The following DOCK9 variants were observed in gnomAD, a reference collection of about 807,000 sequenced individuals.
The protein encoded by DOCK9 is dedicator of cytokinesis 9, also known as dedicator of cytokinesis protein 9.
A neutral mutation model predicts 263.3 loss-of-function variants in DOCK9; 89 were observed. The ratio of observed to expected loss-of-function variants is 0.34; its 90% CI spans 0.28 to 0.40. The LOEUF (loss-of-function observed/expected upper bound fraction) is 0.40. DOCK9 is among the 10% of genes least tolerant of loss of function. The pLI, the probability that DOCK9 is intolerant of heterozygous loss-of-function variation, is 1.00. For missense variants in DOCK9, 2,140 were observed against 2,603.4 expected (o/e 0.82, Z 3.87); for synonymous variants, 976 against 973.1 (o/e 1.00, Z -0.06).
intron 1 of DOCK9, among the ~76,000 whole-genome samples, chr13:99,085,869 G>C (rs866568996): frequency 6.6e-6 from 1 of 151,918 alleles, no homozygotes; most frequent in African/African-American, 2.4e-5. Flanking sequence ...AGGGATGCGG[G>C]GGAGGGGGGA....
chr13:98,911,793 A>ATT (rs2050089513), intron 9 of DOCK9, among the ~76,000 whole-genome samples: 1 of 151,578 alleles, frequency 6.6e-6, no homozygotes, highest in Non-Finnish European at 1.5e-5. Context: ...TAATGACAGT[A>ATT]TTTTATATAA....
intron 15 of DOCK9, among the ~76,000 whole-genome samples, chr13:98,894,920 G>A (rs960953312): frequency 8.1e-6 from 1 of 123,192 alleles, no homozygotes; most frequent in African/African-American, 3.0e-5. Flanking sequence ...ACCAGCCTGG[G>A]CAAGATGGTG....
At chr13:98,976,062 A>G (rs1211832751) in intron 1 of DOCK9, among the ~76,000 whole-genome samples, 2 of 151,580 alleles carry the variant, frequency 1.3e-5, no homozygotes, top group African/African-American at 2.4e-5. Context: ...CTGATCTGAC[A>G]TTAGCTCTTC....
At chr13:99,043,977 A>G (rs974320728) in intron 1 of DOCK9, among the ~76,000 whole-genome samples, 1 of 152,220 alleles carries the variant, frequency 6.6e-6, no homozygotes, top group Non-Finnish European at 1.5e-5. Context: ...AGTTTGCTGA[A>G]TGAATGAATA....
chr13:99,066,865 G>A (rs2041442690), intron 1 of DOCK9, among the ~76,000 whole-genome samples: 1 of 152,118 alleles, frequency 6.6e-6, no homozygotes, highest in Admixed American at 6.5e-5. Context: ...CTCATTCATG[G>A]TAATTTCTTC....
chr13:98,966,747 C>CT, intron 1 of DOCK9, among the ~76,000 whole-genome samples: 1 of 152,358 alleles, frequency 6.6e-6, no homozygotes, highest in Admixed American at 6.5e-5. Context: ...GCAGACTCCA[C>CT]TGCCAGGCAG....
In DOCK9 at chr13:99,065,941, T is replaced by C. The variant is rs373631648; in HGVS notation, c.129+20282A>G. ...ATGCATGTACGAAATTTAAAATTTA[T>C]CAGTTCAGATATATGTGGGAAACAG... On this transcript the variant is annotated intron_variant, in intron 1 of 32. Transcript: ENST00000427887. 1.6e-3 allele frequency among the ~76,000 whole-genome samples: 249 copies of C among 152,352 alleles called. 9 individuals carry two copies. The South Asian group carries it at 0.048, about 29-fold the overall frequency.
At position 99,060,062 on chromosome 13, in the gene DOCK9, C is replaced by CTTTTTTTTT. The variant is rs71114576; in HGVS notation, c.129+26152_129+26160dup. On this transcript the variant is annotated intron_variant, in intron 1 of 32. Coordinates refer to the DOCK9 transcript ENST00000427887. The stretch of plus-strand genomic sequence containing the variant: ...AGTTACAGACATTTGATTGTTTCTA[C>CTTTTTTTTT]TTTTTTTTTTTTTTTTTTTTTTTTT... Among the ~76,000 whole-genome samples, 108 of 61,458 alleles carry CTTTTTTTTT rather than the reference C, an allele frequency of 1.8e-3. 14 individuals are homozygous for CTTTTTTTTT. Among genetic ancestry groups the CTTTTTTTTT allele is most frequent in the African/African-American group, 6.7e-3 (84 of 12,594 alleles). 40.3% of individuals were successfully genotyped at this position (61,458 alleles called of 152,430 possible). A position where few individuals can be genotyped will look rare whatever the true frequency, so the allele number is the denominator to read the frequency against.
At chr13:98,848,466 G>A in intron 37 of DOCK9, 126 bp downstream of exon 37, 1 of 937,148 alleles carries the variant, frequency 1.1e-6, no homozygotes. Flanking sequence ...CCAAGGGCCT[G>A]CCATCAGTCC....
intron 27 of DOCK9, among the ~76,000 whole-genome samples, chr13:98,874,335 T>C (rs1236258912): frequency 6.6e-6 from 1 of 152,248 alleles, no homozygotes; most frequent in Non-Finnish European, 1.5e-5. Flanking sequence ...TTCCATTTTA[T>C]TACTAAGTAG....
At chr13:98,897,441 A>G (rs763180928) in intron 15 of DOCK9, 47 bp downstream of exon 15, 3 of 1,608,732 alleles carry the variant, frequency 1.9e-6, no homozygotes, top group Middle Eastern at 1.7e-4. Flanking sequence ...CCTCCCCACT[A>G]CACAGCTTCT....
At chr13:98,906,065 A>T (rs543483682) in intron 9 of DOCK9, among the ~76,000 whole-genome samples, 1 of 152,208 alleles carries the variant, frequency 6.6e-6, no homozygotes, top group Non-Finnish European at 1.5e-5. Flanking sequence ...GGAAAAACAA[A>T]TCTGCCAAAA....
At chr13:99,025,910 A>G (rs1269113339) in intron 1 of DOCK9, among the ~76,000 whole-genome samples, 1 of 152,236 alleles carries the variant, frequency 6.6e-6, no homozygotes, top group Non-Finnish European at 1.5e-5. Context: ...TCTTAAAACC[A>G]TGCTAAGTGA....
chr13:98,867,212 A>C (rs2094052761), intron 30 of DOCK9: 1 of 578,348 alleles, frequency 1.7e-6, no homozygotes, highest in Non-Finnish European at 3.0e-6. Flanking sequence ...AAATAGCCAT[A>C]CTGGCATGAT....
At chr13:98,898,403 T>C in intron 13 of DOCK9, 142 bp from the exon 14 acceptor site, 1 of 635,730 alleles carries the variant, frequency 1.6e-6, no homozygotes, top group African/African-American at 1.8e-5. Flanking sequence ...CAGTAATGAA[T>C]ATGGCTGGAT....
rs2141433394 is a variant in DOCK9, at chr13:98,848,599, T to C, written c.4054A>G (p.Ile1352Val). The change falls in exon 37 of 53, where the codon ATA (isoleucine) becomes GTA (valine). Residue 1352 changes from isoleucine (I) to valine (V), a missense_variant. By Grantham distance (29) the Ile-to-Val change is conservative. Transcript: ENST00000682017. The stretch of plus-strand genomic sequence containing the variant: ...GAAAACGCCCCACAGTACCTGGCTA[T>C]GTATCGCTTCCCCATGTACTGGAAC... Reference protein sequence around the residue: ...HQFQYMGKRYIARNQEGLGPI... With the variant: ...HQFQYMGKRYVARNQEGLGPI... The C allele has an allele frequency of 1.2e-6, 2 of 1,612,156 alleles. No individual in the cohort carries two copies. The highest frequency in any genetic ancestry group is 1.1e-5 in the South Asian group (1 of 90,154).
intron 45 of DOCK9, among the ~76,000 whole-genome samples, chr13:98,810,915 A>G (rs1185916723): frequency 1.3e-5 from 2 of 152,228 alleles, no homozygotes; most frequent in Non-Finnish European, 2.9e-5. Flanking sequence ...TCATTGCTTC[A>G]TCGTGGGTGG....
At chr13:99,017,202 AC>A (rs1885525825) in intron 1 of DOCK9, among the ~76,000 whole-genome samples, 1 of 152,206 alleles carries the variant, frequency 6.6e-6, no homozygotes, top group African/African-American at 2.4e-5. Flanking sequence ...TCAAGATTAC[AC>A]CCAAGTTGTG....
chr13:99,024,209 C>A (rs1338712100), intron 1 of DOCK9, among the ~76,000 whole-genome samples: 2 of 152,200 alleles, frequency 1.3e-5, no homozygotes, highest in African/African-American at 4.8e-5. Flanking sequence ...TCTGCAAGGG[C>A]TGATGGCACC....
Sources: gnomAD v4.1 joint callset for allele counts (sites outside exome capture counted in the v4.1 genomes callset) on GRCh38, gnomAD v4.1.1 for gene constraint, MANE v1.5 for transcripts, NCBI Gene and HGNC (gene_info 2026-07-23, HGNC 2026-07-21) for gene names.